DMD: variants seen among roughly 807,000 people sequenced by gnomAD.
DMD encodes the protein mutant dystrophin.
DMD carries 63 observed loss-of-function variants against 330.1 expected under a neutral mutation model. The ratio of observed to expected loss-of-function variants is 0.19; its 90% CI spans 0.16 to 0.24. The LOEUF (loss-of-function observed/expected upper bound fraction) is 0.24, where lower values mean the gene tolerates loss of function less well. Among genes scored for constraint, DMD ranks in the 10% least tolerant of loss-of-function variants. The pLI is 1.00. For synonymous variants in DMD, 1,223 were observed against 959.8 expected (o/e 1.27, Z -5.07); for missense variants, 3,344 against 2,684.1 (o/e 1.25, Z -5.43).
rs773862397 is a variant in DMD, at chrX:31,247,351, C to T, written c.9286+13604G>A. On this transcript the variant is annotated intron_variant, in intron 63 of 78. Transcript: ENST00000357033. Reference sequence around the variant, plus strand: ...GTGTGGTGGCTCACGGCTGTAATCCCAGCACTTTGGGAGGCCGAGGCAGGT... The same window carrying T: ...GTGTGGTGGCTCACGGCTGTAATCCTAGCACTTTGGGAGGCCGAGGCAGGT... Among the ~76,000 whole-genome samples, 5 of 111,154 alleles carry T rather than the reference C, an allele frequency of 4.5e-5. No individual in the cohort carries two copies. In the East Asian group the frequency reaches 1.4e-3, roughly 31 times the overall value.
intron 45 of DMD, among the ~76,000 whole-genome samples, chrX:31,947,173 T>C (rs1364344261): frequency 9.0e-6 from 1 of 111,668 alleles, no homozygotes; most frequent in Non-Finnish European, 1.9e-5. Context: ...CAGGGTCTCC[T>C]GGGGTGTGGT....
chrX:33,042,791 T>C (rs767779222), intron 1 of DMD, among the ~76,000 whole-genome samples: 5 of 112,249 alleles, frequency 4.5e-5, no homozygotes, highest in Non-Finnish European at 9.4e-5. Context: ...TCTTCTACTG[T>C]ACAGTTGTTA....
intron 44 of DMD, among the ~76,000 whole-genome samples, chrX:32,050,889 G>A (rs139425715): frequency 1.5e-3 from 167 of 109,939 alleles, no homozygotes; most frequent in African/African-American, 5.4e-3. Flanking sequence ...GTCTTCTCTG[G>A]CACATCTTTA....
intron 45 of DMD, among the ~76,000 whole-genome samples, chrX:31,956,425 G>A (rs1160889712): frequency 8.9e-6 from 1 of 111,749 alleles, no homozygotes; most frequent in Admixed American, 9.5e-5. Flanking sequence ...GAAGAAGGGA[G>A]GGTTCAGAAC....
At chrX:32,083,274 T>TC (rs2096407173) in intron 44 of DMD, among the ~76,000 whole-genome samples, 1 of 108,048 alleles carries the variant, frequency 9.3e-6, no homozygotes, top group African/African-American at 3.3e-5. Context: ...TAAAAAATCT[T>TC]TTTTTTTTTT....
chrX:33,069,262 C>G, intron 1 of DMD, among the ~76,000 whole-genome samples: 1 of 110,248 alleles, frequency 9.1e-6, no homozygotes, highest in Non-Finnish European at 1.9e-5. Flanking sequence ...ATTTTGCTCC[C>G]CGTGTTGCTC....
intron 19 of DMD, among the ~76,000 whole-genome samples, chrX:32,499,396 C>A (rs2043817114): frequency 9.0e-6 from 1 of 111,213 alleles, no homozygotes; most frequent in Non-Finnish European, 1.9e-5. Context: ...TATATACGCA[C>A]ATATTTTTAT....
At chrX:32,464,013 T>A (rs949341039) in intron 24 of DMD, among the ~76,000 whole-genome samples, 1 of 111,629 alleles carries the variant, frequency 9.0e-6, no homozygotes. Flanking sequence ...GCTTGTATTG[T>A]AAAAAAATTT....
intron 7 of DMD, among the ~76,000 whole-genome samples, chrX:32,807,694 AT>A (rs1274638938): frequency 9.0e-6 from 1 of 110,905 alleles, no homozygotes; most frequent in Non-Finnish European, 1.9e-5. Context: ...GTTTTTATTC[AT>A]TTAAATTTTT....
At chrX:31,886,491 T>C (rs1458810420) in intron 47 of DMD, among the ~76,000 whole-genome samples, 3 of 111,907 alleles carry the variant, frequency 2.7e-5, no homozygotes, top group East Asian at 2.8e-4. Context: ...AAAAGGATAA[T>C]GAGGAATAGA....
intron 43 of DMD, among the ~76,000 whole-genome samples, chrX:32,280,115 A>G (rs2097411771): frequency 1.0e-5 from 1 of 99,994 alleles, no homozygotes. Context: ...TATATAGTAT[A>G]TATTTATATA....
intron 60 of DMD, among the ~76,000 whole-genome samples, chrX:31,391,856 G>C (rs1190921685): frequency 9.0e-6 from 1 of 110,518 alleles, no homozygotes; most frequent in East Asian, 2.8e-4. Context: ...GGGGGAGAGA[G>C]TGAGGCTCCA....
chrX:32,889,654 GTTCT>G (rs761106146), intron 2 of DMD, among the ~76,000 whole-genome samples: 19 of 110,936 alleles, frequency 1.7e-4, no homozygotes, highest in South Asian at 3.9e-4. Flanking sequence ...CCTTAAGAAG[GTTCT>G]TTGTCATTCT....
intron 2 of DMD, among the ~76,000 whole-genome samples, chrX:32,887,924 G>A (rs2084825139): frequency 1.8e-5 from 2 of 109,083 alleles, no homozygotes; most frequent in East Asian, 2.9e-4. Flanking sequence ...CCCTTTTCAG[G>A]TATATGGTAT....
intron 60 of DMD, among the ~76,000 whole-genome samples, chrX:31,401,774 A>C (rs2061202682): frequency 9.0e-6 from 1 of 111,033 alleles, no homozygotes; most frequent in Non-Finnish European, 1.9e-5. Flanking sequence ...GGTTTCGTAC[A>C]ACTTATTAAA....
At chrX:32,426,974 G>A (rs2098215733) in intron 29 of DMD, among the ~76,000 whole-genome samples, 1 of 111,175 alleles carries the variant, frequency 9.0e-6, no homozygotes. Context: ...TGGGAGGAAG[G>A]GGAGGATCAG....
chrX:33,140,979 AT>A (rs1461113093), intron 1 of DMD, among the ~76,000 whole-genome samples: 2 of 112,163 alleles, frequency 1.8e-5, no homozygotes, highest in Admixed American at 1.9e-4. Flanking sequence ...TCATCAGTAT[AT>A]TTTCCCCTAG....
chrX:31,362,510 T>C (rs2058990333), intron 60 of DMD, among the ~76,000 whole-genome samples: 2 of 112,828 alleles, frequency 1.8e-5, no homozygotes, highest in African/African-American at 6.4e-5. Context: ...ATGAGGAATA[T>C]GCAAATATTC....
At position 31,343,606 on chromosome X, in the gene DMD, TGTGTGTGTGTGTGA is replaced by T. The variant is rs1397815169; in HGVS notation, c.9163+4936_9163+4949del. Among the ~76,000 whole-genome samples the T allele has an allele frequency of 7.7e-3, 743 of 96,396 alleles. 8 individuals carry two copies. The highest frequency in any genetic ancestry group is 0.015 in the Middle Eastern group (3 of 199). 83.7% of individuals were successfully genotyped at this position (96,396 alleles called of 115,157 possible). Reference sequence around the variant, plus strand: ...GAGTGTGTGTGTGTGTGTGTGTGTGTGTGTGTGTGTGTGAGAGAGAGAGAGAGAGAGAGTGCACA... The same window carrying T: ...GAGTGTGTGTGTGTGTGTGTGTGTGTGAGAGAGAGAGAGAGAGAGTGCACA... On this transcript the variant is annotated intron_variant, in intron 61 of 78. Coordinates refer to ENST00000357033, the MANE Select transcript of DMD (RefSeq NM_004006.3).
Sources: gnomAD v4.1 joint callset for allele counts (sites outside exome capture counted in the v4.1 genomes callset) on GRCh38, gnomAD v4.1.1 for gene constraint, MANE v1.5 for transcripts, NCBI Gene and HGNC (gene_info 2026-07-23, HGNC 2026-07-21) for gene names.